Variants in SORCS3 observed in about 807,000 individuals in gnomAD.
SORCS3 encodes the protein VPS10 domain-containing receptor SorCS3.
Under a neutral mutation model 146.3 loss-of-function variants are expected in SORCS3, and 57 were observed. The observed-to-expected ratio is 0.39, with a 90% confidence interval of 0.31 to 0.49. SORCS3 has a LOEUF of 0.49. Ranked by LOEUF, SORCS3 falls within the 20% of genes least tolerant of loss-of-function variation. The pLI, the probability that SORCS3 is intolerant of heterozygous loss-of-function variation, is 0.92. For synonymous variants in SORCS3, 653 were observed against 618.5 expected (o/e 1.06, Z -0.83); for missense variants, 1,341 against 1,575.5 (o/e 0.85, Z 2.52).
intron 1 of SORCS3, among the ~76,000 whole-genome samples, chr10:104,727,971 G>A (rs762568964): frequency 3.0e-4 from 46 of 151,994 alleles, no homozygotes; most frequent in Non-Finnish European, 6.2e-4. Flanking sequence ...CCACAAAACC[G>A]GTCCCTGGTG....
At chr10:104,650,749 G>A (rs1426698991) in intron 1 of SORCS3, among the ~76,000 whole-genome samples, 1 of 152,172 alleles carries the variant, frequency 6.6e-6, no homozygotes, top group African/African-American at 2.4e-5. Flanking sequence ...TCTTGGGGAT[G>A]GAGTAGTGTC....
intron 5 of SORCS3, among the ~76,000 whole-genome samples, chr10:105,067,444 T>C (rs2133723181): frequency 6.6e-6 from 1 of 152,332 alleles, no homozygotes; most frequent in South Asian, 2.1e-4. Context: ...GGAGAATTGC[T>C]TGAACTCGGG....
At chr10:105,071,880 G>T (rs992646736) in intron 5 of SORCS3, among the ~76,000 whole-genome samples, 23 of 152,190 alleles carry the variant, frequency 1.5e-4, no homozygotes, top group Non-Finnish European at 3.2e-4. Context: ...CAGGTAGAAA[G>T]ACATAGAAAT....
At chr10:104,770,680 TAC>T (rs1048626055) in intron 1 of SORCS3, among the ~76,000 whole-genome samples, 23 of 149,748 alleles carry the variant, frequency 1.5e-4, no homozygotes, top group South Asian at 2.1e-4. Context: ...TATATATATA[TAC>T]ATAGGCTGGG....
intron 20 of SORCS3, among the ~76,000 whole-genome samples, chr10:105,242,517 TAC>T (rs1194770347): frequency 4.8e-5 from 5 of 104,068 alleles, no homozygotes; most frequent in African/African-American, 1.3e-4. Flanking sequence ...TATATTTATA[TAC>T]ATTTATATAT....
At chr10:104,883,979 G>GC (rs1554856922) in intron 2 of SORCS3, among the ~76,000 whole-genome samples, 1 of 149,018 alleles carries the variant, frequency 6.7e-6, no homozygotes, top group Non-Finnish European at 1.5e-5. Flanking sequence ...GTGGAATGAG[G>GC]GGGGGGAAAG....
Position 104,866,460 on chromosome 10 carries a change from TA to T in SORCS3, c.695+23609del, listed in dbSNP as rs35861365. The stretch of plus-strand genomic sequence containing the variant: ...TGTTTATACTTTGAGTCCTTCAAGT[TA>T]AAAAAAACCTAGGTACTTCCTTAGG... On this transcript the variant is annotated intron_variant, in intron 2 of 26. Coordinates refer to ENST00000369701, the MANE Select transcript of SORCS3 (RefSeq NM_014978.3). 5.7e-3 allele frequency among the ~76,000 whole-genome samples: 866 copies of T among 152,048 alleles called. 14 individuals are homozygous for T. The highest frequency in any genetic ancestry group is 0.019 in the African/African-American group (805 of 41,500).
intron 3 of SORCS3, among the ~76,000 whole-genome samples, chr10:104,973,683 G>C (rs191030514): frequency 6.6e-6 from 1 of 151,100 alleles, no homozygotes; most frequent in East Asian, 1.9e-4. Context: ...GGTTTTTCCT[G>C]TCTCTGTTTC....
chr10:104,647,770 G>T (rs534453697), intron 1 of SORCS3, among the ~76,000 whole-genome samples: 2 of 152,194 alleles, frequency 1.3e-5, no homozygotes, highest in Non-Finnish European at 2.9e-5. Flanking sequence ...GACAACTGGT[G>T]TATTATTTCA....
chr10:105,152,340 A>G (rs2056173588), intron 9 of SORCS3, among the ~76,000 whole-genome samples: 2 of 152,234 alleles, frequency 1.3e-5, no homozygotes, highest in Non-Finnish European at 2.9e-5. Flanking sequence ...GACAAAATTA[A>G]TTTTAATAAT....
intron 5 of SORCS3, among the ~76,000 whole-genome samples, chr10:105,066,172 C>T (rs1470835294): frequency 6.6e-6 from 1 of 152,206 alleles, no homozygotes; most frequent in Non-Finnish European, 1.5e-5. Flanking sequence ...GCATGGTTGA[C>T]ATTTTGTGAC....
intron 3 of SORCS3, among the ~76,000 whole-genome samples, chr10:104,937,577 A>T (rs1345635531): frequency 6.6e-6 from 1 of 152,228 alleles, no homozygotes; most frequent in Non-Finnish European, 1.5e-5. Context: ...GCAAAACAAC[A>T]TTAAATATCT....
chr10:105,016,931 G>A (rs1360447927), intron 4 of SORCS3, among the ~76,000 whole-genome samples: 1 of 152,116 alleles, frequency 6.6e-6, no homozygotes, highest in Non-Finnish European at 1.5e-5. Context: ...AAAACTGCCT[G>A]GGGGAAAGAT....
At chr10:104,722,048 C>G (rs955107461) in intron 1 of SORCS3, among the ~76,000 whole-genome samples, 3 of 152,176 alleles carry the variant, frequency 2.0e-5, no homozygotes, top group Non-Finnish European at 4.4e-5. Flanking sequence ...GCATCCCTGT[C>G]TTGTGCCAGT....
rs181940419 is a variant in SORCS3, at chr10:104,740,000, C to G, written c.627+98046C>G. Among the ~76,000 whole-genome samples, 119 of 152,210 alleles carry G rather than the reference C, an allele frequency of 7.8e-4. 1 individual carries two copies. The South Asian group carries it at 0.012, about 16-fold the overall frequency. The stretch of plus-strand genomic sequence containing the variant: ...ATGTTTAATGGTGAACAGGAAAGAC[C>G]TGGACCACAAAATATTAGCTGGTCT... On this transcript the variant is annotated intron_variant, in intron 1 of 26. Transcript: ENST00000369701.
At chr10:105,053,228 C>T (rs1049169102) in intron 5 of SORCS3, among the ~76,000 whole-genome samples, 7 of 151,966 alleles carry the variant, frequency 4.6e-5, no homozygotes, top group Non-Finnish European at 7.4e-5. Context: ...GAGGTTAGAG[C>T]TTCAACATAT....
intron 5 of SORCS3, among the ~76,000 whole-genome samples, chr10:105,067,266 C>A (rs1005063565): frequency 1.2e-4 from 18 of 152,212 alleles, no homozygotes; most frequent in African/African-American, 4.3e-4. Flanking sequence ...GTGGCTCAAG[C>A]CTGTAATCCC....
chr10:104,757,066 G>GT lies in SORCS3; in HGVS notation c.628-85701dup, dbSNP rs35550035. Among the ~76,000 whole-genome samples, 814 of 83,940 alleles carry GT rather than the reference G, an allele frequency of 9.7e-3. 13 individuals are homozygous for GT. The highest frequency in any genetic ancestry group is 0.033 in the African/African-American group (707 of 21,738). 55.1% of individuals were successfully genotyped at this position (83,940 alleles called of 152,430 possible). A position where few individuals can be genotyped will look rare whatever the true frequency, so the allele number is the denominator to read the frequency against. ...ACAGCTGCTGTTTTCCAAGTTAAGG[G>GT]TTTTTTTTTTTTTTTTTTTTTTTTT... On this transcript the variant is annotated intron_variant, in intron 1 of 26. Transcript: ENST00000369701.
Position 104,735,456 on chromosome 10 carries a change from GTTTTTT to G in SORCS3, c.627+93518_627+93523del, listed in dbSNP as rs56203751. On this transcript the variant is annotated intron_variant, in intron 1 of 26. Transcript: ENST00000369701. ...CGGTATTCATGAGCTCTCACCGTCT[GTTTTTT>G]TTTTTTTTTTTTTTTAATCAATCCC... 1.1e-4 allele frequency among the ~76,000 whole-genome samples: 4 copies of G among 35,006 alleles called. 1 individual carries two copies. The highest frequency in any genetic ancestry group is 3.7e-4 in the Admixed American group (1 of 2,688). The allele number at this position is 35,006 out of a possible 152,430, so 23.0% of individuals were successfully genotyped here.
Sources: allele counts gnomAD v4.1 joint callset (sites outside exome capture counted in the v4.1 genomes callset), GRCh38; gene constraint gnomAD v4.1.1; transcripts MANE v1.5; gene names NCBI Gene and HGNC (gene_info 2026-07-23, HGNC 2026-07-21).